AK8: variants seen among roughly 807,000 people sequenced by gnomAD.
AK8 encodes the protein ATP-AMP transphosphorylase 8.
A neutral mutation model predicts 54.6 loss-of-function variants in AK8; 44 were observed. The ratio of observed to expected loss-of-function variants is 0.81; its 90% CI spans 0.63 to 1.04. AK8 has a LOEUF of 1.04. Ranked by LOEUF, AK8 falls within the 50% of genes least tolerant of loss-of-function variation. The probability of loss-of-function intolerance (pLI) is 0.00; values close to 1 mark genes in which losing one functional copy is unlikely to be tolerated. For synonymous variants in AK8, 239 were observed against 245.6 expected, an observed-to-expected ratio of 0.97 and a Z score of 0.25; for missense variants, 555 against 613.6, an observed-to-expected ratio of 0.90 and a Z score of 1.01.
intron 10 of AK8, among the ~76,000 whole-genome samples, chr9:132,809,593 T>C (rs1840901184): frequency 6.6e-6 from 1 of 152,152 alleles, no homozygotes; most frequent in Non-Finnish European, 1.5e-5. Context: ...GGCCATACAA[T>C]GGGTGGTTTG....
chr9:132,826,732 C>A lies in AK8; in HGVS notation c.757+122G>T. On this transcript the variant is annotated intron_variant, in intron 8 of 12. Coordinates refer to ENST00000298545, the MANE Select transcript of AK8 (RefSeq NM_152572.3). The surrounding 1 kb of genome is among the most constrained non-coding windows in gnomAD (Gnocchi z 4.5). ...ACCCGGGTCATCTATGTCTTGACTT[C>A]CAGGGTCCCAGGCATGTCCCAGACA... The A allele has an allele frequency of 8.6e-7, 1 of 1,167,688 alleles. No homozygotes were observed. Among genetic ancestry groups the A allele is most frequent in the Admixed American group, 2.2e-5 (1 of 44,908 alleles). The allele number at this position is 1,167,688 out of a possible 1,614,324, so 72.3% of individuals were successfully genotyped here.
At position 132,791,578 on chromosome 9, in the gene AK8, C is replaced by T. The variant is rs2131164492; in HGVS notation, c.1121+1056G>A. Among the ~76,000 whole-genome samples the T allele has an allele frequency of 1.3e-5, 2 of 152,234 alleles. No individual in the cohort carries two copies. The highest frequency in any genetic ancestry group is 3.4e-3 in the Middle Eastern group (1 of 294). On this transcript the variant is annotated intron_variant, in intron 11 of 12. Transcript: ENST00000298545. The surrounding 1 kb of genome is among the most constrained non-coding windows in gnomAD (Gnocchi z 4.0). ...ATGAGAGGGCCTTGTCCTGCATTGA[C>T]TATTGAAATACAGATATGACAAAAG...
At chr9:132,863,354 C>T (rs1421808594) in intron 4 of AK8, among the ~76,000 whole-genome samples, 1 of 152,258 alleles carries the variant, frequency 6.6e-6, no homozygotes, top group Non-Finnish European at 1.5e-5. Context: ...CTTTACTCGG[C>T]TGAGCCTAAG....
At chr9:132,811,755 C>T (rs1841021042) in intron 10 of AK8, among the ~76,000 whole-genome samples, 2 of 152,226 alleles carry the variant, frequency 1.3e-5, no homozygotes, top group South Asian at 4.1e-4. Context: ...TCACTGCTGA[C>T]TCAGGCCTCA....
rs1435566105 is a variant in AK8, at chr9:132,837,184, TGGC to T, written c.403-8461_403-8459del. On this transcript the variant is annotated intron_variant, in intron 5 of 12. Coordinates refer to ENST00000298545, the MANE Select transcript of AK8 (RefSeq NM_152572.3). The surrounding 1 kb of genome is among the most constrained non-coding windows in gnomAD (Gnocchi z 4.3). Reference sequence around the variant, plus strand: ...ATATACAAAAATTATCTGGGCGTGGTGGCGGGCGCCTGTAATCCCAGCTACTCG... The same window carrying T: ...ATATACAAAAATTATCTGGGCGTGGTGGGCGCCTGTAATCCCAGCTACTCG... 1.2e-4 allele frequency among the ~76,000 whole-genome samples: 19 copies of T among 152,216 alleles called. No individual in the cohort carries two copies. The highest frequency in any genetic ancestry group is 1.0e-3 in the South Asian group (5 of 4,820).
chr9:132,771,178 A>T (rs1838963533), intron 11 of AK8, among the ~76,000 whole-genome samples: 1 of 152,172 alleles, frequency 6.6e-6, no homozygotes, highest in South Asian at 2.1e-4. Flanking sequence ...CAGTTTCCTC[A>T]GCTGAAAGGT....
chr9:132,728,455 T>C (rs1290059638), intron 11 of AK8, among the ~76,000 whole-genome samples: 1 of 152,224 alleles, frequency 6.6e-6, no homozygotes, highest in African/African-American at 2.4e-5. Context: ...CCAGCCTCTG[T>C]CAGACTCAGT....
At chr9:132,783,541 C>T (rs144762576) in intron 11 of AK8, among the ~76,000 whole-genome samples, 174 of 146,670 alleles carry the variant, frequency 1.2e-3, no homozygotes, top group Non-Finnish European at 2.2e-3. Flanking sequence ...GTTATAGGTG[C>T]TACCAAAAAA....
In AK8 at chr9:132,756,239, T is replaced by C. The variant is rs765170385; in HGVS notation, c.1122-28705A>G. 1.1e-3 allele frequency among the ~76,000 whole-genome samples: 172 copies of C among 152,184 alleles called. 2 individuals are homozygous for C. Among genetic ancestry groups the C allele is most frequent in the Admixed American group, 8.5e-4 (13 of 15,276 alleles). ...ACAAAAACAGCAGCTCATTCTTGCA[T>C]AGAAAAGAATTCTCCTCCCAAAAAA... On this transcript the variant is annotated intron_variant, in intron 11 of 12. Coordinates refer to ENST00000298545, the MANE Select transcript of AK8 (RefSeq NM_152572.3).
intron 1 of AK8, among the ~76,000 whole-genome samples, chr9:132,875,639 CTGAG>C (rs1250682712): frequency 4.6e-5 from 7 of 152,146 alleles, no homozygotes; most frequent in Non-Finnish European, 1.0e-4. Context: ...ACATACCTTC[CTGAG>C]TATGTGCACT....
intron 11 of AK8, among the ~76,000 whole-genome samples, chr9:132,728,874 G>A (rs1013056385): frequency 1.5e-4 from 23 of 151,264 alleles, no homozygotes; most frequent in African/African-American, 5.6e-4. Context: ...CCCCTTTTTA[G>A]GGCAATGGAA....
chr9:132,732,317 T>TA (rs1030268972), intron 11 of AK8, among the ~76,000 whole-genome samples: 3 of 152,136 alleles, frequency 2.0e-5, no homozygotes, highest in Non-Finnish European at 2.9e-5. Flanking sequence ...CATTTGGGAT[T>TA]ATGGCATTCA....
intron 11 of AK8, among the ~76,000 whole-genome samples, chr9:132,778,199 C>T (rs1839309589): frequency 6.6e-6 from 1 of 152,148 alleles, no homozygotes; most frequent in South Asian, 2.1e-4. Flanking sequence ...GTATTCCAGC[C>T]CATGTCTGGT....
Position 132,800,919 on chromosome 9 carries a change from C to CTT in AK8, c.980-8146_980-8145dup, listed in dbSNP as rs34462868. On this transcript the variant is annotated intron_variant, in intron 10 of 12. Transcript: ENST00000298545. Reference sequence around the variant, plus strand: ...CCAACAGTGAATATTTCAGTTTGTCCTTTTTTTTTTTTTTTTTTTTGAGAC... The same window carrying CTT: ...CCAACAGTGAATATTTCAGTTTGTCCTTTTTTTTTTTTTTTTTTTTTTGAGAC... 4.4e-3 allele frequency among the ~76,000 whole-genome samples: 541 copies of CTT among 123,722 alleles called. 8 individuals are homozygous for CTT. Among genetic ancestry groups the CTT allele is most frequent in the East Asian group, 0.017 (73 of 4,340 alleles). 81.2% of individuals were successfully genotyped at this position (123,722 alleles called of 152,430 possible).
intron 10 of AK8, among the ~76,000 whole-genome samples, chr9:132,798,674 C>T (rs1840293471): frequency 6.6e-6 from 1 of 152,102 alleles, no homozygotes; most frequent in Non-Finnish European, 1.5e-5. Context: ...AAGGCCACAC[C>T]ACATGGTTTC....
chr9:132,761,109 T>C (rs1334161300), intron 11 of AK8, among the ~76,000 whole-genome samples: 2 of 152,194 alleles, frequency 1.3e-5, no homozygotes, highest in African/African-American at 4.8e-5. Flanking sequence ...TTGTTCACAA[T>C]GGGAATAATC....
chr9:132,729,600 T>C lies in AK8; in HGVS notation c.1122-2066A>G, dbSNP rs1165791060. Among the ~76,000 whole-genome samples, 7 of 152,318 alleles carry C rather than the reference T, an allele frequency of 4.6e-5. No homozygotes were observed. In the South Asian group the frequency reaches 6.2e-4, roughly 14 times the overall value. On this transcript the variant is annotated intron_variant, in intron 11 of 12. Transcript: ENST00000298545. The stretch of plus-strand genomic sequence containing the variant: ...TTGTCCTTTAATTCATTTATACATA[T>C]ATTTATCAAGTGCTGGCTGTGTCTC...
At chr9:132,839,911 G>A (rs1036381415) in intron 5 of AK8, among the ~76,000 whole-genome samples, 2 of 149,592 alleles carry the variant, frequency 1.3e-5, no homozygotes, top group South Asian at 2.1e-4. Flanking sequence ...TCTGCCTCCC[G>A]GGTTCAAGTG....
Position 132,875,215 on chromosome 9 carries a change from A to C in AK8, c.85-16T>G, listed in dbSNP as rs765880554. ...CCAGCATGTTCTGTGGGTGCAGGGCAGACACCCAGGTGGTTAATACCTGCA... is the reference window on the plus strand; with the variant it reads ...CCAGCATGTTCTGTGGGTGCAGGGCCGACACCCAGGTGGTTAATACCTGCA... On this transcript the variant is annotated splice_polypyrimidine_tract_variant and intron_variant, in intron 1 of 12. Coordinates refer to ENST00000298545, the MANE Select transcript of AK8 (RefSeq NM_152572.3). The C allele has an allele frequency of 6.2e-7, 1 of 1,613,792 alleles. No homozygotes were observed. Among genetic ancestry groups the C allele is most frequent in the South Asian group, 1.1e-5 (1 of 90,974 alleles).
Sources: allele counts gnomAD v4.1 joint callset (sites outside exome capture counted in the v4.1 genomes callset), GRCh38; gene constraint gnomAD v4.1.1; non-coding constraint Gnocchi (gnomAD v3.1); transcripts MANE v1.5; gene names NCBI Gene and HGNC (gene_info 2026-07-23, HGNC 2026-07-21).